The following XNDC1N variants were observed in gnomAD, a reference collection of about 807,000 sequenced individuals.
XNDC1N encodes XRCC1 N-terminal domain containing 1, N-terminal like, also known as protein XNDC1N.
chr11:71,910,516 T>G, the XNDC1N span, among the ~76,000 whole-genome samples: 1 of 152,120 alleles, frequency 6.6e-6, no homozygotes, highest in South Asian at 2.1e-4. Context: ...AGGAGAGACC[T>G]AGGCTGCGTG....
the XNDC1N span, among the ~76,000 whole-genome samples, chr11:71,919,565 T>C: frequency 1.2e-4 from 18 of 150,716 alleles, no homozygotes; most frequent in Non-Finnish European, 2.2e-4. Context: ...TTTTTTTGTA[T>C]TTTTAGTAGA....
the XNDC1N span, among the ~76,000 whole-genome samples, chr11:71,871,945 A>G: frequency 6.6e-6 from 1 of 152,236 alleles, no homozygotes; most frequent in African/African-American, 2.4e-5. Context: ...TTTGGAAAAT[A>G]GTTTGGCCTT....
the XNDC1N span, among the ~76,000 whole-genome samples, chr11:71,907,432 GC>G: frequency 1.4e-5 from 2 of 147,448 alleles, no homozygotes; most frequent in African/African-American, 2.5e-5. Flanking sequence ...GGGGCGAGGA[GC>G]CCCCCACGAT....
the XNDC1N span, chr11:71,903,639 GTTTT>G: frequency 2.5e-4 from 104 of 417,260 alleles, no homozygotes; most frequent in Admixed American, 1.5e-3. Context: ...TGTTGTCCTT[GTTTT>G]TTTTTTCTTT....
the XNDC1N span, chr11:71,917,335 AGT>A: frequency 2.5e-5 from 16 of 629,760 alleles, no homozygotes; most frequent in Admixed American, 3.4e-4. Flanking sequence ...TTAATCAATA[AGT>A]GTGTGTGTTC....
At chr11:71,904,528 T>G in the XNDC1N span, among the ~76,000 whole-genome samples, 442 of 142,592 alleles carry the variant, frequency 3.1e-3, 1 homozygote, top group African/African-American at 0.01. Context: ...TGAAGTCATA[T>G]CTCTCTATGA....
chr11:71,874,731 T>A, the XNDC1N span, among the ~76,000 whole-genome samples: 1 of 152,158 alleles, frequency 6.6e-6, no homozygotes, highest in Non-Finnish European at 1.5e-5. Flanking sequence ...ATAGACTTGA[T>A]CAACTCAAGT....
At chr11:71,897,750 G>C in the XNDC1N span, among the ~76,000 whole-genome samples, 3 of 152,242 alleles carry the variant, frequency 2.0e-5, no homozygotes, top group Non-Finnish European at 4.4e-5. Flanking sequence ...GTGGAAGACA[G>C]ATTTGTGTAC....
the XNDC1N span, among the ~76,000 whole-genome samples, chr11:71,908,039 T>C: frequency 6.6e-6 from 1 of 152,208 alleles, no homozygotes; most frequent in Non-Finnish European, 1.5e-5. Context: ...GTTGTACACC[T>C]ACTGCGATAT....
the XNDC1N span, chr11:71,916,113 C>T: frequency 1.4e-6 from 1 of 702,924 alleles, no homozygotes; most frequent in Non-Finnish European, 2.6e-6. Context: ...AGGGACCCAC[C>T]ACAGAGTCAT....
the XNDC1N span, among the ~76,000 whole-genome samples, chr11:71,922,485 T>C: frequency 6.6e-6 from 1 of 152,086 alleles, no homozygotes; most frequent in African/African-American, 2.4e-5. Flanking sequence ...TTATTTTTTG[T>C]AGAAATGGGA....
At chr11:71,881,957 G>C in the XNDC1N span, among the ~76,000 whole-genome samples, 1 of 152,032 alleles carries the variant, frequency 6.6e-6, no homozygotes, top group East Asian at 1.9e-4. Flanking sequence ...TTCTGACTGA[G>C]ATTTTCCCAA....
chr11:71,878,619 C>T, the XNDC1N span: 4 of 1,099,568 alleles, frequency 3.6e-6, no homozygotes, highest in African/African-American at 6.4e-5. Flanking sequence ...TTTTACTGTA[C>T]CATGAAGGCT....
At chr11:71,908,539 C>T in the XNDC1N span, among the ~76,000 whole-genome samples, 2 of 152,218 alleles carry the variant, frequency 1.3e-5, no homozygotes, top group Admixed American at 6.5e-5. Flanking sequence ...GACACAAATG[C>T]CCCTGAGAGA....
the XNDC1N span, chr11:71,865,592 A>C: frequency 6.5e-4 from 111 of 169,884 alleles, 2 homozygotes; most frequent in Middle Eastern, 5.4e-3. Flanking sequence ...GCTATTCCAT[A>C]GGCAGAGGAG....
chr11:71,917,287 T>C, the XNDC1N span: 1 of 678,060 alleles, frequency 1.5e-6, no homozygotes, highest in South Asian at 1.6e-5. Flanking sequence ...GTGCTGGGAT[T>C]ACAGGCATGA....
the XNDC1N span, among the ~76,000 whole-genome samples, chr11:71,898,028 C>T: frequency 1.3e-5 from 2 of 151,936 alleles, no homozygotes; most frequent in Admixed American, 1.3e-4. Context: ...ACTGAAAATG[C>T]AAAAAATGAA....
the XNDC1N span, among the ~76,000 whole-genome samples, chr11:71,890,804 G>C: frequency 1.3e-5 from 2 of 151,974 alleles, no homozygotes; most frequent in Non-Finnish European, 2.9e-5. Flanking sequence ...TTCCCCCCTG[G>C]ATATTAGGAA....
the XNDC1N span, chr11:71,865,862 C>A: frequency 4.6e-5 from 20 of 439,132 alleles, no homozygotes; most frequent in South Asian, 2.6e-4. Context: ...CACCTGTGAG[C>A]AAAAAATAAG....
Sources: allele counts gnomAD v4.1 joint callset (sites outside exome capture counted in the v4.1 genomes callset), GRCh38; gene constraint gnomAD v4.1.1; transcripts MANE v1.5; gene names NCBI Gene and HGNC (gene_info 2026-07-23, HGNC 2026-07-21).